Variants in SMC5 observed in about 807,000 individuals in gnomAD.
SMC5 encodes the protein structural maintenance of chromosomes 5, also known as structural maintenance of chromosomes protein 5.
Under a neutral mutation model 148.3 loss-of-function variants are expected in SMC5, and 88 were observed. The ratio of observed to expected loss-of-function variants is 0.59; its 90% CI spans 0.50 to 0.71. The LOEUF is 0.71. Ranked by LOEUF, SMC5 falls within the 30% of genes least tolerant of loss-of-function variation. SMC5 has a pLI of 0.00. For synonymous variants in SMC5, 421 were observed against 432.8 expected (o/e 0.97, Z 0.34); for missense variants, 1,142 against 1,298.9 (o/e 0.88, Z 1.86).
intron 10 of SMC5, among the ~76,000 whole-genome samples, chr9:70,301,086 T>C (rs1337525990): frequency 6.6e-6 from 1 of 152,184 alleles, no homozygotes; most frequent in Non-Finnish European, 1.5e-5. Context: ...ATATGTGTTA[T>C]TAGAATATTT....
intron 8 of SMC5, among the ~76,000 whole-genome samples, chr9:70,295,028 GGAA>G (rs2035157555): frequency 6.6e-6 from 1 of 152,058 alleles, no homozygotes; most frequent in Admixed American, 6.6e-5. Flanking sequence ...AATTAAAGGA[GGAA>G]GGAGTACAGT....
At chr9:70,336,482 G>A (rs1309735262) in intron 17 of SMC5, among the ~76,000 whole-genome samples, 1 of 152,184 alleles carries the variant, frequency 6.6e-6, no homozygotes, top group African/African-American at 2.4e-5. Flanking sequence ...GGAAGGAAAG[G>A]ATGGCAGAAT....
intron 22 of SMC5, among the ~76,000 whole-genome samples, chr9:70,349,419 A>G (rs918008327): frequency 5.3e-5 from 8 of 152,192 alleles, no homozygotes; most frequent in African/African-American, 1.9e-4. Flanking sequence ...CCTGACATAG[A>G]AGTGCCATCA....
chr9:70,319,695 C>T (rs1038324779), intron 15 of SMC5, among the ~76,000 whole-genome samples: 2 of 152,138 alleles, frequency 1.3e-5, no homozygotes, highest in Admixed American at 1.3e-4. Context: ...AACTTGTGTA[C>T]TCTGTTACAT....
At position 70,352,421 on chromosome 9, in the gene SMC5, C is replaced by A; in HGVS notation, c.*90C>A. The A allele has an allele frequency of 7.6e-7, 1 of 1,315,756 alleles. No homozygotes were observed. 81.5% of individuals were successfully genotyped at this position (1,315,756 alleles called of 1,614,324 possible). ...CTGAATAAAAGGAGATTCACTAAAA[C>A]GAAAAGCAGTTATTTTTGGAAACCT... is the stretch of plus-strand genomic sequence containing the variant. On this transcript the variant is annotated 3_prime_UTR_variant, in exon 25 of 25. Coordinates refer to ENST00000361138, the MANE Select transcript of SMC5 (RefSeq NM_015110.4).
chr9:70,291,359 C>T (rs1299150198), intron 8 of SMC5, among the ~76,000 whole-genome samples: 1 of 152,138 alleles, frequency 6.6e-6, no homozygotes, highest in Admixed American at 6.5e-5. Context: ...AATAAATGCT[C>T]CTAAGATTGT....
intron 1 of SMC5, 36 bp downstream of exon 1, chr9:70,259,299 G>T: frequency 6.5e-7 from 1 of 1,534,012 alleles, no homozygotes; most frequent in South Asian, 1.2e-5. Flanking sequence ...GGGTGTGGAG[G>T]TGTGCTGGCC....
At chr9:70,279,554 C>T (rs577471182) in intron 5 of SMC5, among the ~76,000 whole-genome samples, 36 of 152,082 alleles carry the variant, frequency 2.4e-4, no homozygotes, top group Admixed American at 2.2e-3. Flanking sequence ...TGGTGGCTCA[C>T]GCCTGTAATC....
At chr9:70,289,701 T>C (rs2035008032) in intron 8 of SMC5, among the ~76,000 whole-genome samples, 2 of 151,978 alleles carry the variant, frequency 1.3e-5, no homozygotes, top group Non-Finnish European at 1.5e-5. Context: ...AAGTTAAATT[T>C]AGTCCTATTC....
At chr9:70,347,788 T>A (rs1693696691) in intron 21 of SMC5, 71 bp downstream of exon 21, 20 of 1,249,784 alleles carry the variant, frequency 1.6e-5, no homozygotes, top group Non-Finnish European at 2.2e-5. Context: ...TAATGGAAAA[T>A]GAGATGACAT....
intron 17 of SMC5, among the ~76,000 whole-genome samples, chr9:70,327,154 T>C (rs2036102559): frequency 1.3e-5 from 2 of 152,350 alleles, no homozygotes; most frequent in South Asian, 2.1e-4. Context: ...TTCTAAATAC[T>C]ATTTTCCACT....
At chr9:70,331,297 A>T (rs2036211988) in intron 17 of SMC5, among the ~76,000 whole-genome samples, 1 of 152,192 alleles carries the variant, frequency 6.6e-6, no homozygotes. Context: ...TTCAAGGAAA[A>T]GTGGAAGGGG....
intron 22 of SMC5, among the ~76,000 whole-genome samples, chr9:70,349,314 C>A (rs994305642): frequency 2.0e-5 from 3 of 152,018 alleles, no homozygotes; most frequent in Non-Finnish European, 4.4e-5. Flanking sequence ...TGATCCACCC[C>A]CCTCGGCCTC....
At chr9:70,316,059 T>C (rs1238547575) in intron 13 of SMC5, among the ~76,000 whole-genome samples, 2 of 152,100 alleles carry the variant, frequency 1.3e-5, no homozygotes, top group Non-Finnish European at 2.9e-5. Flanking sequence ...GAATGACCAC[T>C]TCTCATAGGA....
chr9:70,309,105 G>C (rs1410683264), intron 11 of SMC5, among the ~76,000 whole-genome samples: 1 of 152,116 alleles, frequency 6.6e-6, no homozygotes, highest in Non-Finnish European at 1.5e-5. Flanking sequence ...CCTTCAGTGA[G>C]TTCAATCTTG....
intron 3 of SMC5, 50 bp from the exon 4 acceptor site, chr9:70,277,260 C>G: frequency 8.0e-7 from 1 of 1,253,394 alleles, no homozygotes; most frequent in East Asian, 3.0e-5. Flanking sequence ...TATTTCTAAA[C>G]TAATGTATAT....
At chr9:70,312,120 CAAAAAAAAAAAAA>C (rs3072341) in intron 11 of SMC5, 6 of 63,312 alleles carry the variant, frequency 9.5e-5, no homozygotes, top group Non-Finnish European at 1.6e-4. Flanking sequence ...GACACTGTCT[CAAAAAAAAAAAAA>C]AAAAAAAAAA....
At chr9:70,268,806 T>G (rs917596074) in intron 3 of SMC5, among the ~76,000 whole-genome samples, 11 of 152,218 alleles carry the variant, frequency 7.2e-5, no homozygotes, top group Admixed American at 7.2e-4. Context: ...TTCTCCCTTA[T>G]GACACCAATA....
Position 70,323,514 on chromosome 9 carries a change from C to T in SMC5, c.2182C>T (p.Leu728Phe). ...GCTGATGGAACAGGATACTTGCAAT[C>T]TTGAAGAGGAAGAGCGAAAAGCAAG... ...LKLMEQDTCNLEEEERKASTK... is the reference protein window; with the variant it reads ...LKLMEQDTCNFEEEERKASTK... The change falls in exon 16 of 25, where the codon CTT (leucine) becomes TTT (phenylalanine). Residue 728 changes from leucine to phenylalanine, a missense_variant. Coordinates refer to ENST00000361138, the MANE Select transcript of SMC5 (RefSeq NM_015110.4). The T allele has an allele frequency of 6.2e-7, 1 of 1,611,518 alleles. No individual in the cohort carries two copies. The highest frequency in any genetic ancestry group is 8.5e-7 in the Non-Finnish European group (1 of 1,179,416).
Sources: allele counts gnomAD v4.1 joint callset (sites outside exome capture counted in the v4.1 genomes callset), GRCh38; gene constraint gnomAD v4.1.1; transcripts MANE v1.5; gene names NCBI Gene and HGNC (gene_info 2026-07-23, HGNC 2026-07-21).